The following DNAH1 variants were observed in gnomAD, a reference collection of about 807,000 sequenced individuals.
The protein encoded by DNAH1 is dynein axonemal heavy chain 1, also known as axonemal beta dynein heavy chain 1.
Under a neutral mutation model 484.3 loss-of-function variants are expected in DNAH1, and 327 were observed. The observed-to-expected ratio is 0.68, with a 90% CI of 0.62 to 0.74. The LOEUF is 0.74. Among genes scored for constraint, DNAH1 ranks in the 30% least tolerant of loss-of-function variants. The pLI is 0.00. For synonymous variants in DNAH1, 2,192 were observed against 2,191.9 expected, an observed-to-expected ratio of 1.00 and a Z score of 0.00; for missense variants, 5,052 against 5,546.8, an observed-to-expected ratio of 0.91 and a Z score of 2.83.
In DNAH1 at chr3:52,345,462, T is replaced by A. The variant is rs182829405; in HGVS notation, c.1445-33T>A. 7.7e-3 allele frequency: 11,878 copies of A among 1,541,728 alleles called. 64 individuals carry two copies. Among genetic ancestry groups the A allele is most frequent in the Non-Finnish European group, 9.5e-3 (10,866 of 1,138,222 alleles). Reference sequence around the variant, plus strand: ...TGTCCCCTGGTTTGGCCAGGCAGGGTCTGATACTGGCCCTTGGCCCCTATC... The same window carrying A: ...TGTCCCCTGGTTTGGCCAGGCAGGGACTGATACTGGCCCTTGGCCCCTATC... On this transcript the variant is annotated intron_variant, in intron 9 of 77. Coordinates refer to ENST00000420323, the MANE Select transcript of DNAH1 (RefSeq NM_015512.5).
In DNAH1 at chr3:52,362,275, C is replaced by A; in HGVS notation, c.4981-113C>A. 1.2e-6 allele frequency: 1 copy of A among 857,402 alleles called. No homozygotes were observed. Among genetic ancestry groups the A allele is most frequent in the Non-Finnish European group, 1.9e-6 (1 of 533,784 alleles). 53.1% of individuals were successfully genotyped at this position (857,402 alleles called of 1,614,324 possible). ...CCCATGATCAGGGGTCCAGGCCTGG[C>A]CTACCAGCTACAGCCAGGACAGGGG... On this transcript the variant is annotated intron_variant, in intron 30 of 77. Coordinates refer to ENST00000420323, the MANE Select transcript of DNAH1 (RefSeq NM_015512.5). The surrounding 1 kb of genome is among the most constrained non-coding windows in gnomAD (Gnocchi z 5.1).
At chr3:52,322,805 C>T (rs1223769345) in intron 2 of DNAH1, 30 bp downstream of exon 2, 4 of 1,555,480 alleles carry the variant, frequency 2.6e-6, no homozygotes, top group Admixed American at 3.8e-5. Flanking sequence ...CCTACCAAGC[C>T]TCAACCCTTC....
intron 1 of DNAH1, among the ~76,000 whole-genome samples, chr3:52,319,195 T>C (rs904059497): frequency 7.9e-5 from 12 of 152,234 alleles, no homozygotes; most frequent in African/African-American, 2.9e-4. Context: ...GAGGTTGGAA[T>C]ACCCCTATTC....
intron 34 of DNAH1, among the ~76,000 whole-genome samples, chr3:52,366,191 G>A (rs1453721005): frequency 6.6e-6 from 1 of 152,216 alleles, no homozygotes; most frequent in African/African-American, 2.4e-5. Flanking sequence ...GGTGATGGCT[G>A]ACCACCTGAC....
rs11720365 is a variant in DNAH1 at position 52,386,398 on chromosome 3, G to A, written c.8811+53G>A. 171,371 of 1,500,826 alleles carry A rather than the reference G, an allele frequency of 0.11. 10,603 individuals are homozygous for A. The highest frequency in any genetic ancestry group is 0.13 in the Non-Finnish European group (142,260 of 1,119,874). 93.0% of individuals were successfully genotyped at this position (1,500,826 alleles called of 1,614,324 possible). ...CCCTCTCATATGCCTCTGTCCTCAAGCCTTCCCTCTGCACATCCCCTGGGA... is the reference window on the plus strand; with the variant it reads ...CCCTCTCATATGCCTCTGTCCTCAAACCTTCCCTCTGCACATCCCCTGGGA... On this transcript the variant is annotated intron_variant, in intron 55 of 77. Coordinates refer to ENST00000420323, the MANE Select transcript of DNAH1 (RefSeq NM_015512.5).
rs368850443 is a variant in DNAH1 at position 52,353,591 on chromosome 3, C to G, written c.3438C>G (p.Ser1146Arg). ...MNLQDHIESI[S>R]KVAEVAGKEY... Reference sequence around the variant, plus strand: ...TGCAGGACCATATCGAGAGCATCAGCAAGGTGGCTGAGGTGGCTGGCAAGG... The same window carrying G: ...TGCAGGACCATATCGAGAGCATCAGGAAGGTGGCTGAGGTGGCTGGCAAGG... The change falls in exon 20 of 78, where the codon AGC becomes AGG. Residue 1146 changes from serine (S) to arginine (R), a missense_variant. Physicochemically the swap from Ser to Arg is moderately radical, Grantham distance 110 (BLOSUM62 -1). Coordinates refer to ENST00000420323, the MANE Select transcript of DNAH1 (RefSeq NM_015512.5). This position sits in a 1 kb window ranked among gnomAD's most constrained non-coding sequence, Gnocchi z 5.0. The G allele has an allele frequency of 6.3e-5, 101 of 1,610,414 alleles. No homozygotes were observed. Among genetic ancestry groups the G allele is most frequent in the Non-Finnish European group, 8.1e-5 (96 of 1,178,506 alleles).
intron 1 of DNAH1, among the ~76,000 whole-genome samples, chr3:52,319,359 C>A (rs1701061576): frequency 6.6e-6 from 1 of 152,230 alleles, no homozygotes; most frequent in Non-Finnish European, 1.5e-5. Context: ...CAAATTTCAA[C>A]TGTGGCTCTT....
chr3:52,348,750 C>A, intron 12 of DNAH1, 138 bp from the exon 13 acceptor site: 1 of 863,272 alleles, frequency 1.2e-6, no homozygotes. Flanking sequence ...TGTATTTGGT[C>A]ACCCTGCCAC....
chr3:52,386,058 G>A (rs918204749), intron 54 of DNAH1, 102 bp from the exon 55 acceptor site: 8 of 1,321,708 alleles, frequency 6.1e-6, no homozygotes, highest in Non-Finnish European at 8.1e-6. Flanking sequence ...CAGCTGGAGG[G>A]CCCTTGGAGA....
chr3:52,326,050 A>G, intron 3 of DNAH1, 90 bp from the exon 4 acceptor site: 10 of 1,299,824 alleles, frequency 7.7e-6, no homozygotes, highest in Non-Finnish European at 9.2e-6. Context: ...AAAGCATACT[A>G]CCTGGTTGGT....
chr3:52,400,308 C>T lies in DNAH1; in HGVS notation c.12677-17C>T. 1.2e-6 allele frequency: 2 copies of T among 1,613,786 alleles called. No individual in the cohort carries two copies. Among genetic ancestry groups the T allele is most frequent in the Non-Finnish European group, 1.7e-6 (2 of 1,179,762 alleles). On this transcript the variant is annotated splice_polypyrimidine_tract_variant and intron_variant, in intron 77 of 77. Coordinates refer to ENST00000420323, the MANE Select transcript of DNAH1 (RefSeq NM_015512.5). ...ATAGGGCATGACCTAACCCGTCCCC[C>T]TCCTTGCCCATTCCAGGAACACTAT... is the stretch of plus-strand genomic sequence containing the variant.
intron 34 of DNAH1, among the ~76,000 whole-genome samples, chr3:52,365,549 G>A: frequency 6.6e-6 from 1 of 152,138 alleles, no homozygotes; most frequent in East Asian, 1.9e-4. Context: ...AGGGCTGGGG[G>A]GACACTGCCC....
Position 52,357,650 on chromosome 3 carries a change from AGCCTGCGGGACT to A in DNAH1, c.3898_3909del (p.Leu1300_Cys1303del). 6.3e-7 allele frequency: 1 copy of A among 1,599,716 alleles called. No homozygotes were observed. Among genetic ancestry groups the A allele is most frequent in the Non-Finnish European group, 8.5e-7 (1 of 1,172,742 alleles). ...GTGTTCCGACCTGAGAATGCTGGACAGCCTGCGGGACTGCAACAAGATTCTGGACCTGGTGCA... is the reference window on the plus strand; with the variant it reads ...GTGTTCCGACCTGAGAATGCTGGACAGCAACAAGATTCTGGACCTGGTGCA... On this transcript the variant is annotated inframe_deletion, in exon 23 of 78. Coordinates refer to ENST00000420323, the MANE Select transcript of DNAH1 (RefSeq NM_015512.5).
At position 52,379,727 on chromosome 3, in the gene DNAH1, G is replaced by C. The variant is rs993611193; in HGVS notation, c.7378-178G>C. Among the ~76,000 whole-genome samples the C allele has an allele frequency of 6.6e-6, 1 of 152,002 alleles. No homozygotes were observed. Among genetic ancestry groups the C allele is most frequent in the African/African-American group, 2.4e-5 (1 of 41,446 alleles). On this transcript the variant is annotated intron_variant, in intron 47 of 77. Coordinates refer to ENST00000420323, the MANE Select transcript of DNAH1 (RefSeq NM_015512.5). This position sits in a 1 kb window ranked among gnomAD's most constrained non-coding sequence, Gnocchi z 4.4. The stretch of plus-strand genomic sequence containing the variant: ...CACTGTGCAATCCACCCCATCCTCA[G>C]CCAGCCAGCAGTTGCACTTGCCAGC...
chr3:52,346,631 A>G lies in DNAH1; in HGVS notation c.1816A>G (p.Met606Val). ...CAAGCTGATGGAGCTGGTGAAGTAC[A>G]TGCTGCAGGACACACTGCGCTTCCT... is the stretch of plus-strand genomic sequence containing the variant. ...LRKLMELVKY[M>V]LQDTLRFLVQ... The change falls in exon 11 of 78, where the codon ATG becomes GTG. Residue 606 changes from methionine (M) to valine (V), a missense_variant. Physicochemically the swap from Met to Val is conservative, Grantham distance 21. Transcript: ENST00000420323. 2 of 1,614,054 alleles carry G rather than the reference A, an allele frequency of 1.2e-6. No individual in the cohort carries two copies. The highest frequency in any genetic ancestry group is 8.5e-7 in the Non-Finnish European group (1 of 1,179,886).
chr3:52,386,831 A>G lies in DNAH1; in HGVS notation c.8981A>G (p.Glu2994Gly), dbSNP rs1294492326. 4 of 1,581,624 alleles carry G rather than the reference A, an allele frequency of 2.5e-6. No homozygotes were observed. Among genetic ancestry groups the G allele is most frequent in the Non-Finnish European group, 2.6e-6 (3 of 1,164,866 alleles). Residue 2994 changes from glutamate to glycine, a missense_variant, in exon 56 of 78, where the codon GAG becomes GGG. Transcript: ENST00000420323. ...CTGCAGGACCCGGGCCACTTCCTTG[A>G]GAGCCTCTTCAAGTTTGACAAGGTA... ...GLLQDPGHFLESLFKFDKDNI... is the reference protein window; with the variant it reads ...GLLQDPGHFLGSLFKFDKDNI...
intron 53 of DNAH1, 56 bp downstream of exon 53, chr3:52,385,033 A>G: frequency 6.4e-7 from 1 of 1,554,262 alleles, no homozygotes; most frequent in Non-Finnish European, 8.7e-7. Context: ...CTGCCTGCTC[A>G]CTCAGCCCTG....
chr3:52,349,435 G>A lies in DNAH1; in HGVS notation c.2526+15G>A. The stretch of plus-strand genomic sequence containing the variant: ...AGGTGGATAGCGTAAGTGCCCACCT[G>A]CCCCGCCTCAGTGACCACAGCAGCA... On this transcript the variant is annotated intron_variant, in intron 14 of 77. Transcript: ENST00000420323. 1.2e-6 allele frequency: 2 copies of A among 1,609,308 alleles called. No individual in the cohort carries two copies. The highest frequency in any genetic ancestry group is 1.7e-6 in the Non-Finnish European group (2 of 1,176,408).
chr3:52,366,960 C>A, intron 36 of DNAH1, 73 bp downstream of exon 36: 3 of 1,525,008 alleles, frequency 2.0e-6, no homozygotes, highest in Non-Finnish European at 2.7e-6. Flanking sequence ...GCGGTCACCC[C>A]TCCCTCCATT....
Sources: allele counts gnomAD v4.1 joint callset (sites outside exome capture counted in the v4.1 genomes callset), GRCh38; gene constraint gnomAD v4.1.1; non-coding constraint Gnocchi (gnomAD v3.1); transcripts MANE v1.5; gene names NCBI Gene and HGNC (gene_info 2026-07-23, HGNC 2026-07-21).